Variants in TBL1X observed in about 807,000 individuals in gnomAD.
The protein encoded by TBL1X is F-box-like/WD repeat-containing protein TBL1X.
In TBL1X, 10 loss-of-function variants were observed where a neutral mutation model predicts 50.7. That is an observed-to-expected ratio of 0.20 (90% confidence interval 0.12 to 0.33). TBL1X has a LOEUF of 0.33. Ranked by LOEUF, TBL1X falls within the 10% of genes least tolerant of loss-of-function variation. The pLI, the probability that TBL1X is intolerant of heterozygous loss-of-function variation, is 1.00. For missense variants in TBL1X, 340 were observed against 504.4 expected (o/e 0.67, Z 3.12); for synonymous variants, 190 against 214.7 (o/e 0.88, Z 1.01).
At chrX:9,596,917 G>T (rs1437390450) in intron 2 of TBL1X, among the ~76,000 whole-genome samples, 1 of 111,126 alleles carries the variant, frequency 9.0e-6, no homozygotes, top group Non-Finnish European at 1.9e-5. Context: ...TCTAGATGCC[G>T]ATTTAAAGTC....
At chrX:9,475,660 A>G (rs1046623003) in intron 1 of TBL1X, among the ~76,000 whole-genome samples, 11 of 110,497 alleles carry the variant, frequency 1.0e-4, no homozygotes, top group Admixed American at 7.7e-4. Context: ...TGGAGGTGAG[A>G]AATAGGAATC....
chrX:9,520,761 A>AT (rs202045241), intron 2 of TBL1X, among the ~76,000 whole-genome samples: 12,038 of 109,753 alleles, frequency 0.11, 561 homozygotes, highest in African/African-American at 0.13. Context: ...TGGGGGAAGG[A>AT]TTTTTTTACA....
intron 6 of TBL1X, among the ~76,000 whole-genome samples, chrX:9,686,693 G>A (rs920828277): frequency 3.6e-5 from 4 of 112,493 alleles, no homozygotes; most frequent in Middle Eastern, 4.2e-3. Flanking sequence ...GCGAGACCCC[G>A]TCTCTAAGGA....
chrX:9,579,994 G>A lies in TBL1X; in HGVS notation c.-130-60279G>A, dbSNP rs138451147. On this transcript the variant is annotated intron_variant, in intron 2 of 17. Transcript: ENST00000645353. ...CATTATTGGAGTTGCTGTTACTGTCGACGTAAAGAGTCAAACTCTGTAAAA... is the reference window on the plus strand; with the variant it reads ...CATTATTGGAGTTGCTGTTACTGTCAACGTAAAGAGTCAAACTCTGTAAAA... 7.1e-3 allele frequency among the ~76,000 whole-genome samples: 792 copies of A among 111,753 alleles called. 1 individual carries two copies. Among genetic ancestry groups the A allele is most frequent in the African/African-American group, 0.024 (738 of 30,695 alleles).
chrX:9,662,064 A>G (rs1166114923), intron 5 of TBL1X, among the ~76,000 whole-genome samples: 1 of 111,534 alleles, frequency 9.0e-6, no homozygotes, highest in Non-Finnish European at 1.9e-5. Flanking sequence ...AATGCCCTTC[A>G]TATCCTAGGC....
At chrX:9,556,706 C>G (rs745509176) in intron 2 of TBL1X, among the ~76,000 whole-genome samples, 1 of 110,185 alleles carries the variant, frequency 9.1e-6, no homozygotes, top group East Asian at 2.8e-4. Context: ...CCAAATGGGT[C>G]TTATTCTGCT....
rs1224127161 is a variant in TBL1X at position 9,714,990 on chromosome X, C to T, written c.1694C>T (p.Ala565Val). 2 of 1,209,984 alleles carry T rather than the reference C, an allele frequency of 1.7e-6. No homozygotes were observed. Among genetic ancestry groups the T allele is most frequent in the East Asian group, 3.0e-5 (1 of 33,782 alleles). Residue 565 changes from alanine (A) to valine (V), a missense_variant, in exon 17 of 18, where the codon GCG (alanine) becomes GTG (valine). By Grantham distance (64) the Ala-to-Val change is moderately conservative (BLOSUM62 0). Transcript: ENST00000645353. ...NARGDKVGAS[A>V]SDGSVCVLDL... is the part of the protein sequence containing the mutation. Reference sequence around the variant, plus strand: ...CGAGGAGACAAAGTGGGTGCCAGCGCGTCCGACGGCTCTGTAAGCAACACC... The same window carrying T: ...CGAGGAGACAAAGTGGGTGCCAGCGTGTCCGACGGCTCTGTAAGCAACACC...
intron 2 of TBL1X, among the ~76,000 whole-genome samples, chrX:9,578,262 G>A (rs770711055): frequency 9.0e-6 from 1 of 111,133 alleles, no homozygotes; most frequent in Admixed American, 9.6e-5. Context: ...TAGAGATAAG[G>A]CCTCACTCTG....
chrX:9,513,977 C>T (rs1257394560), intron 2 of TBL1X, among the ~76,000 whole-genome samples: 1 of 109,861 alleles, frequency 9.1e-6, no homozygotes, highest in African/African-American at 3.3e-5. Context: ...AGGGAACTCA[C>T]TCAGTACCAG....
In TBL1X at chrX:9,550,745, G is replaced by C. The variant is rs191904064; in HGVS notation, c.-131+48896G>C. Among the ~76,000 whole-genome samples the C allele has an allele frequency of 3.0e-3, 332 of 112,375 alleles. 1 individual carries two copies. Among genetic ancestry groups the C allele is most frequent in the Middle Eastern group, 0.014 (3 of 217 alleles). ...AGATTGTTCTGGTTTCAAGGACTGC[G>C]TGTGCTTTAAATAATCACAGGCTGC... On this transcript the variant is annotated intron_variant, in intron 2 of 17. Transcript: ENST00000645353.
intron 12 of TBL1X, 91 bp downstream of exon 12, chrX:9,697,520 C>A: frequency 8.7e-7 from 1 of 1,149,982 alleles, no homozygotes; most frequent in Non-Finnish European, 1.2e-6. Context: ...GCCTGTAATC[C>A]CAGCACTTTG....
intron 2 of TBL1X, among the ~76,000 whole-genome samples, chrX:9,523,960 C>CTTTTTT (rs63038662): frequency 4.9e-5 from 2 of 40,814 alleles, no homozygotes; most frequent in African/African-American, 9.6e-5. Context: ...TCATTTTAAC[C>CTTTTTT]TTTTTTTTTT....
intron 1 of TBL1X, among the ~76,000 whole-genome samples, chrX:9,484,567 C>T (rs975410921): frequency 9.0e-6 from 1 of 111,011 alleles, no homozygotes; most frequent in African/African-American, 3.3e-5. Flanking sequence ...TTTGGGGCTT[C>T]ATGTTGTTGC....
intron 2 of TBL1X, among the ~76,000 whole-genome samples, chrX:9,609,303 T>C (rs1040155822): frequency 7.3e-5 from 8 of 109,573 alleles, no homozygotes; most frequent in African/African-American, 2.3e-4. Flanking sequence ...CTAGAAGTTT[T>C]GCCCCAGCAT....
At chrX:9,696,138 T>A (rs2083130010) in intron 11 of TBL1X, among the ~76,000 whole-genome samples, 1 of 112,855 alleles carries the variant, frequency 8.9e-6, no homozygotes, top group Admixed American at 9.4e-5. Flanking sequence ...AACATAAACA[T>A]CAACTAAGAG....
chrX:9,515,454 G>A (rs1158924681), intron 2 of TBL1X, among the ~76,000 whole-genome samples: 3 of 112,274 alleles, frequency 2.7e-5, no homozygotes, highest in Non-Finnish European at 5.6e-5. Context: ...ATTGGAAATG[G>A]CAAACACCCC....
chrX:9,527,172 CGA>C (rs1240181214), intron 2 of TBL1X, among the ~76,000 whole-genome samples: 1 of 111,752 alleles, frequency 8.9e-6, no homozygotes, highest in African/African-American at 3.3e-5. Flanking sequence ...TAGGGTGGGC[CGA>C]GAGGGGGCGC....
At chrX:9,664,894 A>G (rs751192369) in intron 5 of TBL1X, among the ~76,000 whole-genome samples, 1 of 111,015 alleles carries the variant, frequency 9.0e-6, no homozygotes, top group Non-Finnish European at 1.9e-5. Flanking sequence ...CATCCCTAAC[A>G]TTTGCCCACT....
intron 2 of TBL1X, among the ~76,000 whole-genome samples, chrX:9,508,002 C>G: frequency 8.9e-6 from 1 of 112,150 alleles, no homozygotes; most frequent in South Asian, 3.7e-4. Flanking sequence ...AGAAGATAAC[C>G]TAAGCAATAC....
Sources: allele counts gnomAD v4.1 joint callset (sites outside exome capture counted in the v4.1 genomes callset), GRCh38; gene constraint gnomAD v4.1.1; transcripts MANE v1.5; gene names NCBI Gene and HGNC (gene_info 2026-07-23, HGNC 2026-07-21).